Variants in CAPN3 observed in about 807,000 individuals in gnomAD.
CAPN3 encodes calpain-3.
Under a neutral mutation model 114.0 loss-of-function variants are expected in CAPN3, and 88 were observed. The observed-to-expected ratio is 0.77, with a 90% confidence interval of 0.65 to 0.92. CAPN3 has a LOEUF of 0.92. Among genes scored for constraint, CAPN3 ranks in the 40% least tolerant of loss-of-function variants. The probability of loss-of-function intolerance (pLI) is 0.00; values close to 1 mark genes in which losing one functional copy is unlikely to be tolerated. For missense variants in CAPN3, 1,028 were observed against 1,069.0 expected (o/e 0.96, Z 0.53); for synonymous variants, 386 against 382.9 (o/e 1.01, Z -0.09).
Position 42,359,623 on chromosome 15 carries a change from G to A in CAPN3, c.-183G>A, listed in dbSNP as rs538568696. 2.6e-5 allele frequency: 38 copies of A among 1,437,018 alleles called. No individual in the cohort carries two copies. The African/African-American group carries it at 2.7e-4, about 10-fold the overall frequency. The allele number at this position is 1,437,018 out of a possible 1,614,324, so 89.0% of individuals were successfully genotyped here. A position where few individuals can be genotyped will look rare whatever the true frequency, so the allele number is the denominator to read the frequency against. On this transcript the variant is annotated 5_prime_UTR_variant, in exon 1 of 24. Coordinates refer to ENST00000397163, the MANE Select transcript of CAPN3 (RefSeq NM_000070.3). Reference sequence around the variant, plus strand: ...ACTTATGGCTTCAGAATCACAGCTCGGTTTTTAAGATGGACATAACCTGTA... The same window carrying A: ...ACTTATGGCTTCAGAATCACAGCTCAGTTTTTAAGATGGACATAACCTGTA...
chr15:42,409,418 C>A lies in CAPN3; in HGVS notation c.1992+38C>A, dbSNP rs778665643. 4.5e-6 allele frequency: 7 copies of A among 1,548,480 alleles called. No homozygotes were observed. The South Asian group carries it at 7.8e-5, about 17-fold the overall frequency. ...AAGCCCAGGACGCCCACAGGTGCTT[C>A]CTTCTCTCCTGGATTAACTGCTCAG... On this transcript the variant is annotated intron_variant, in intron 17 of 23. Transcript: ENST00000397163.
chr15:42,409,769 C>T lies in CAPN3; in HGVS notation c.1993-18C>T. ...GCTGTACTCCTGAACCATGACCCTC[C>T]TCTCCCTTCCTCCTCAGGACATGGA... On this transcript the variant is annotated intron_variant, in intron 17 of 23. Coordinates refer to ENST00000397163, the MANE Select transcript of CAPN3 (RefSeq NM_000070.3). 6.2e-7 allele frequency: 1 copy of T among 1,612,562 alleles called. No homozygotes were observed.
chr15:42,361,645 T>G (rs2052647631), intron 1 of CAPN3, among the ~76,000 whole-genome samples: 1 of 152,150 alleles, frequency 6.6e-6, no homozygotes, highest in African/African-American at 2.4e-5. Context: ...AACCCCCTGC[T>G]GAAATATCTT....
At chr15:42,394,042 G>A (rs2053626495) in intron 7 of CAPN3, among the ~76,000 whole-genome samples, 1 of 152,158 alleles carries the variant, frequency 6.6e-6, no homozygotes, top group African/African-American at 2.4e-5. Flanking sequence ...AGAGGAGATG[G>A]CCAAGCCCTA....
chr15:42,378,188 T>C (rs1360708076), intron 1 of CAPN3, among the ~76,000 whole-genome samples: 2 of 152,188 alleles, frequency 1.3e-5, no homozygotes, highest in Non-Finnish European at 2.9e-5. Context: ...TTTAGCACAG[T>C]TTTAATGACA....
intron 1 of CAPN3, among the ~76,000 whole-genome samples, chr15:42,381,947 C>A (rs912669565): frequency 1.3e-5 from 2 of 152,152 alleles, no homozygotes; most frequent in Non-Finnish European, 2.9e-5. Context: ...CTAGTATATT[C>A]CTCAGGAAGA....
chr15:42,411,567 C>T (rs562460229), intron 23 of CAPN3, among the ~76,000 whole-genome samples, 180 bp from the exon 24 acceptor site: 12 of 151,800 alleles, frequency 7.9e-5, no homozygotes, highest in Admixed American at 2.6e-4. Flanking sequence ...GGAAAACATG[C>T]ACCTTCTTAG....
rs2054159053 is a variant in CAPN3 at position 42,410,002 on chromosome 15, T to C, written c.2115+7T>C. ...CATGATTGCGCTCATGGATGTATCC[T>C]TCCTGCCGCCCCTTCCCGACCCTCT... is the stretch of plus-strand genomic sequence containing the variant. On this transcript the variant is annotated splice_region_variant and intron_variant, in intron 19 of 23. Transcript: ENST00000397163. The C allele has an allele frequency of 6.2e-7, 1 of 1,611,540 alleles. No individual in the cohort carries two copies. Among genetic ancestry groups the C allele is most frequent in the African/African-American group, 1.3e-5 (1 of 74,972 alleles).
chr15:42,383,136 A>G (rs1234399511), intron 1 of CAPN3, among the ~76,000 whole-genome samples: 1 of 152,170 alleles, frequency 6.6e-6, no homozygotes, highest in Non-Finnish European at 1.5e-5. Context: ...AAGACTTTCC[A>G]TCTACTAGGA....
At chr15:42,389,433 C>T (rs2053494351) in intron 5 of CAPN3, among the ~76,000 whole-genome samples, 1 of 152,174 alleles carries the variant, frequency 6.6e-6, no homozygotes, top group Non-Finnish European at 1.5e-5. Context: ...GGACCTGAGC[C>T]CACCATTTCC....
Position 42,389,964 on chromosome 15 carries a change from C to T in CAPN3, c.813C>T (p.Asn271=), listed in dbSNP as rs765292152. ...CCATCGGGCCTCAGGATGGCACGAA[C>T]ATGACCTATGGAACCTCTCCTTCTG... ...LMGCSIDDGT[N]MTYGTSPSGL... The change falls in exon 6 of 24, where the codon AAC becomes AAT. Residue 271 remains asparagine, a synonymous_variant. Coordinates refer to ENST00000397163, the MANE Select transcript of CAPN3 (RefSeq NM_000070.3). 1 of 1,614,146 alleles carries T rather than the reference C, an allele frequency of 6.2e-7. No homozygotes were observed. Among genetic ancestry groups the T allele is most frequent in the South Asian group, 1.1e-5 (1 of 91,074 alleles).
Position 42,388,910 on chromosome 15 carries a change from C to T in CAPN3, c.633-18C>T, listed in dbSNP as rs376747480. ...TGGAACTCTGTGACCCCAAATTGGTCTTCATCCTCTCTCTAAGGCTCCATG... is the reference window on the plus strand; with the variant it reads ...TGGAACTCTGTGACCCCAAATTGGTTTTCATCCTCTCTCTAAGGCTCCATG... On this transcript the variant is annotated intron_variant, in intron 4 of 23. Coordinates refer to ENST00000397163, the MANE Select transcript of CAPN3 (RefSeq NM_000070.3). The T allele has an allele frequency of 4.4e-5, 71 of 1,613,264 alleles. No individual in the cohort carries two copies. The highest frequency in any genetic ancestry group is 5.8e-5 in the Non-Finnish European group (69 of 1,179,870).
intron 18 of CAPN3, 39 bp downstream of exon 18, chr15:42,409,883 G>GGGGGGGGGGCCCCCCCCCCCC: frequency 1.8e-6 from 1 of 559,536 alleles, no homozygotes; most frequent in Non-Finnish European, 3.5e-6. Context: ...GGTGGGTGGG[G>GGGGGGGGGGCCCCCCCCCCCC]AGTCCCGTTG....
chr15:42,409,883 G>GGGGGGGGGGCCCCCCCCCCCCC, intron 18 of CAPN3, 39 bp downstream of exon 18: 1 of 559,592 alleles, frequency 1.8e-6, no homozygotes, highest in Admixed American at 1.9e-5. Flanking sequence ...GGTGGGTGGG[G>GGGGGGGGGGCCCCCCCCCCCCC]AGTCCCGTTG....
chr15:42,389,930 C>G, intron 5 of CAPN3, 23 bp from the exon 6 acceptor site: 2 of 1,613,868 alleles, frequency 1.2e-6, no homozygotes, highest in Non-Finnish European at 1.7e-6. Flanking sequence ...GTGTTGTTCC[C>G]TACATTCTCC....
chr15:42,368,617 T>C (rs911347355), intron 1 of CAPN3, among the ~76,000 whole-genome samples: 6 of 152,238 alleles, frequency 3.9e-5, no homozygotes, highest in African/African-American at 7.2e-5. Flanking sequence ...AACTCTGTAG[T>C]TCCCCTAGGA....
intron 3 of CAPN3, among the ~76,000 whole-genome samples, chr15:42,387,210 T>G (rs1254300952): frequency 6.6e-6 from 1 of 152,260 alleles, no homozygotes; most frequent in Non-Finnish European, 1.5e-5. Flanking sequence ...TCAAACTGAT[T>G]CATTCAAAAA....
chr15:42,401,958 C>A, intron 11 of CAPN3, 148 bp downstream of exon 11: 1 of 1,333,824 alleles, frequency 7.5e-7, no homozygotes, highest in Non-Finnish European at 1.1e-6. Flanking sequence ...TTGTAACAAG[C>A]AAAAAATACC....
At chr15:42,397,380 G>A (rs575602688) in intron 9 of CAPN3, among the ~76,000 whole-genome samples, 9 of 152,272 alleles carry the variant, frequency 5.9e-5, no homozygotes, top group Admixed American at 5.9e-4. Context: ...GGTGGCTCAC[G>A]CCTGTAATCC....
Sources: gnomAD v4.1 joint callset for allele counts (sites outside exome capture counted in the v4.1 genomes callset) on GRCh38, gnomAD v4.1.1 for gene constraint, MANE v1.5 for transcripts, NCBI Gene and HGNC (gene_info 2026-07-23, HGNC 2026-07-21) for gene names.